COL12A1: variants seen among roughly 807,000 people sequenced by gnomAD.
COL12A1 encodes the protein collagen alpha-1(XII) chain.
Under a neutral mutation model 349.7 loss-of-function variants are expected in COL12A1, and 114 were observed. The observed-to-expected ratio is 0.33, with a 90% confidence interval of 0.28 to 0.38. The LOEUF is 0.38. Ranked by LOEUF, COL12A1 falls within the 10% of genes least tolerant of loss-of-function variation. The probability of loss-of-function intolerance (pLI) is 1.00; values close to 1 mark genes in which losing one functional copy is unlikely to be tolerated. For synonymous variants in COL12A1, 1,369 were observed against 1,329.0 expected (o/e 1.03, Z -0.66); for missense variants, 3,284 against 3,756.9 (o/e 0.87, Z 3.29).
chr6:75,135,879 T>G lies in COL12A1; in HGVS notation c.5395-1024A>C, dbSNP rs187032576. Among the ~76,000 whole-genome samples the G allele has an allele frequency of 1.6e-3, 241 of 152,310 alleles. No individual in the cohort carries two copies. The Middle Eastern group carries it at 0.017, about 11-fold the overall frequency. On this transcript the variant is annotated intron_variant, in intron 31 of 65. Coordinates refer to ENST00000322507, the MANE Select transcript of COL12A1 (RefSeq NM_004370.6). ...TACATAACAAATCTGAAAGCCTATT[T>G]AGGAGAACTGCTTTTATGAGTAAGC... is the stretch of plus-strand genomic sequence containing the variant.
chr6:75,143,802 A>G (rs1264464733), intron 25 of COL12A1, among the ~76,000 whole-genome samples: 1 of 152,242 alleles, frequency 6.6e-6, no homozygotes, highest in Non-Finnish European at 1.5e-5. Context: ...ACAGAAAAAA[A>G]TAGTTACAGA....
At chr6:75,164,942 T>A (rs1325224487) in intron 14 of COL12A1, among the ~76,000 whole-genome samples, 1 of 151,834 alleles carries the variant, frequency 6.6e-6, no homozygotes, top group East Asian at 1.9e-4. Context: ...AAAATAAAAA[T>A]AAAAATAAAT....
intron 27 of COL12A1, among the ~76,000 whole-genome samples, chr6:75,140,086 T>G (rs900333665): frequency 2.6e-5 from 4 of 152,182 alleles, no homozygotes; most frequent in African/African-American, 9.7e-5. Context: ...TTGGAAATCT[T>G]AAGGGAAAAT....
intron 30 of COL12A1, 124 bp from the exon 31 acceptor site, chr6:75,137,703 T>G: frequency 9.6e-7 from 1 of 1,047,030 alleles, no homozygotes. Context: ...ATTCGTTCCC[T>G]TAATAAAAAT....
chr6:75,169,678 T>C (rs962396248), intron 13 of COL12A1, among the ~76,000 whole-genome samples: 1 of 152,222 alleles, frequency 6.6e-6, no homozygotes, highest in East Asian at 1.9e-4. Context: ...GTTCTCTCTA[T>C]TAATTTTATC....
chr6:75,141,099 C>T (rs1203649530), intron 27 of COL12A1, among the ~76,000 whole-genome samples: 1 of 151,946 alleles, frequency 6.6e-6, no homozygotes, highest in Admixed American at 6.6e-5. Context: ...TAATTTCATC[C>T]ATCTATTTTT....
At position 75,124,068 on chromosome 6, in the gene COL12A1, G is replaced by A. The variant is rs754290184; in HGVS notation, c.6751C>T (p.Arg2251Cys). 9.3e-6 allele frequency: 15 copies of A among 1,613,502 alleles called. No homozygotes were observed. The highest frequency in any genetic ancestry group is 3.3e-5 in the Admixed American group (2 of 59,964). Residue 2251 changes from arginine to cysteine, a missense_variant, in exon 42 of 66, where the codon CGT becomes TGT. Transcript: ENST00000322507. ...DGTRGQEITV[R>C]GSETSHCFTG... Reference sequence around the variant, plus strand: ...AAGCAGTGACTGGTTTCTGATCCACGCACTGTAATTTCTTGTCCCCTTGTT... The same window carrying A: ...AAGCAGTGACTGGTTTCTGATCCACACACTGTAATTTCTTGTCCCCTTGTT...
At chr6:75,134,044 C>G (rs765034511) in intron 32 of COL12A1, 47 bp from the exon 33 acceptor site, 1 of 1,579,968 alleles carries the variant, frequency 6.3e-7, no homozygotes, top group East Asian at 2.3e-5. Flanking sequence ...AACAATCAAG[C>G]ACACATGAAA....
intron 10 of COL12A1, 71 bp from the exon 11 acceptor site, chr6:75,181,282 A>G (rs1338615215): frequency 5.0e-6 from 7 of 1,413,090 alleles, no homozygotes; most frequent in African/African-American, 1.4e-5. Context: ...CAATATTTCA[A>G]TGTTTATAAA....
chr6:75,140,985 A>G (rs1035044656), intron 27 of COL12A1, among the ~76,000 whole-genome samples: 5 of 152,242 alleles, frequency 3.3e-5, no homozygotes, highest in Non-Finnish European at 7.3e-5. Context: ...GAACTGTTAC[A>G]GAAAAAAGGT....
chr6:75,162,987 G>T (rs1477285080), intron 14 of COL12A1, among the ~76,000 whole-genome samples: 1 of 152,128 alleles, frequency 6.6e-6, no homozygotes, highest in Non-Finnish European at 1.5e-5. Flanking sequence ...AGTTAGAATG[G>T]CAATCATTAA....
In COL12A1 at chr6:75,181,019, G is replaced by T; in HGVS notation, c.2084C>A (p.Thr695Asn). 1.2e-6 allele frequency: 2 copies of T among 1,613,988 alleles called. No individual in the cohort carries two copies. Among genetic ancestry groups the T allele is most frequent in the African/African-American group, 1.3e-5 (1 of 74,976 alleles). Residue 695 changes from threonine to asparagine, a missense_variant, in exon 11 of 66, where the codon ACC (threonine) becomes AAC (asparagine). By Grantham distance (65) the Thr-to-Asn change is moderately conservative. Around this residue, in one of 2 missense-constraint regions of COL12A1, gnomAD observed 2,601 missense variants for 2,824.8 expected, o/e 0.92. Coordinates refer to ENST00000322507, the MANE Select transcript of COL12A1 (RefSeq NM_004370.6). ...CGCAGTCACATTGACCAAATACAAG[G>T]TCTCTGGCTTCAGGCTGCTGAGAAC... ...SVVLSSLKPE[T>N]LYLVNVTAEY...
intron 52 of COL12A1, 118 bp from the exon 53 acceptor site, chr6:75,106,614 T>C: frequency 1.3e-6 from 1 of 796,714 alleles, no homozygotes. Flanking sequence ...TGTGAGCCAT[T>C]GAGAGCAATG....
intron 2 of COL12A1, among the ~76,000 whole-genome samples, chr6:75,198,845 T>C (rs1770371647): frequency 6.6e-6 from 1 of 152,168 alleles, no homozygotes; most frequent in African/African-American, 2.4e-5. Flanking sequence ...GATGAACTAC[T>C]AAGATCTTTA....
In COL12A1 at chr6:75,181,217, T is replaced by TAAAAA; in HGVS notation, c.1892-11_1892-7dup. On this transcript the variant is annotated splice_polypyrimidine_tract_variant and splice_region_variant and intron_variant, in intron 10 of 65. Coordinates refer to ENST00000322507, the MANE Select transcript of COL12A1 (RefSeq NM_004370.6). ...ATCCTTTGGAGGGACGTAAGCTATT[T>TAAAAA]AAAAAAAAAAAAAGACAGTTAAAAA... The TAAAAA allele has an allele frequency of 7.9e-7, 1 of 1,259,680 alleles. No individual in the cohort carries two copies. The allele number at this position is 1,259,680 out of a possible 1,614,324, so 78.0% of individuals were successfully genotyped here. A position where few individuals can be genotyped will look rare whatever the true frequency, so the allele number is the denominator to read the frequency against.
In COL12A1 at chr6:75,086,415, G is replaced by A. The variant is rs1002878591; in HGVS notation, c.*132C>T. ...CCACCCTCCTTTGTGATGTCGACCC[G>A]GTTCGTTAACCATTATCTGTGGTGA... On this transcript the variant is annotated 3_prime_UTR_variant, in exon 66 of 66. Transcript: ENST00000322507. 2.1e-5 allele frequency: 14 copies of A among 665,002 alleles called. No individual in the cohort carries two copies. Among genetic ancestry groups the A allele is most frequent in the African/African-American group, 1.5e-4 (8 of 53,286 alleles). 41.2% of individuals were successfully genotyped at this position (665,002 alleles called of 1,614,324 possible).
At chr6:75,154,288 T>A (rs2149420735) in intron 17 of COL12A1, 128 bp downstream of exon 17, 1 of 1,147,488 alleles carries the variant, frequency 8.7e-7, no homozygotes, top group East Asian at 2.8e-5. Context: ...GCTAAGTATG[T>A]AAATTATTGA....
rs762584656 is a variant in COL12A1 at position 75,183,396 on chromosome 6, T to A, written c.1545A>T (p.Gly515=). Residue 515 remains glycine (G), a synonymous_variant, in exon 10 of 66, where the codon GGA becomes GGT. Coordinates refer to ENST00000322507, the MANE Select transcript of COL12A1 (RefSeq NM_004370.6). ...EAINTFPYRG[G]STNTGKAMTY... is the part of the protein sequence containing the mutation. ...TCATTGCTTTGCCAGTATTTGTAGA[T>A]CCTCCTCTGTAAGGGAAGGTGTTTA... is the stretch of plus-strand genomic sequence containing the variant. 6.2e-7 allele frequency: 1 copy of A among 1,614,258 alleles called. No individual in the cohort carries two copies. Among genetic ancestry groups the A allele is most frequent in the Non-Finnish European group, 8.5e-7 (1 of 1,180,046 alleles).
chr6:75,108,482 C>T (rs1426875006), intron 52 of COL12A1, among the ~76,000 whole-genome samples: 1 of 152,070 alleles, frequency 6.6e-6, no homozygotes, highest in Non-Finnish European at 1.5e-5. Flanking sequence ...ATGGGGTTGG[C>T]ACGCTCCTGC....
Sources: allele counts gnomAD v4.1 joint callset (sites outside exome capture counted in the v4.1 genomes callset), GRCh38; gene constraint gnomAD v4.1.1; regional missense constraint gnomAD v4.1.1; transcripts MANE v1.5; gene names NCBI Gene and HGNC (gene_info 2026-07-23, HGNC 2026-07-21).